GLT8D2: variants seen among roughly 807,000 people sequenced by gnomAD.
The protein encoded by GLT8D2 is glycosyltransferase 8 domain-containing protein 2.
Under a neutral mutation model 44.5 loss-of-function variants are expected in GLT8D2, and 45 were observed. That is an observed-to-expected ratio of 1.01 (90% CI 0.80 to 1.30). The LOEUF is 1.30. Among genes scored for constraint, GLT8D2 ranks in the 50% most tolerant of loss-of-function variants. The probability of loss-of-function intolerance (pLI) is 0.00; values close to 1 mark genes in which losing one functional copy is unlikely to be tolerated. For synonymous variants in GLT8D2, 156 were observed against 157.2 expected, an observed-to-expected ratio of 0.99 and a Z score of 0.06; for missense variants, 400 against 430.4, an observed-to-expected ratio of 0.93 and a Z score of 0.62.
chr12:104,028,499 C>CA (rs1316981776), intron 1 of GLT8D2, among the ~76,000 whole-genome samples: 6 of 152,116 alleles, frequency 3.9e-5, no homozygotes, highest in African/African-American at 1.4e-4. Context: ...TTTTCCAGTA[C>CA]AATTAGTGTA....
At chr12:104,013,780 C>T (rs964916667) in intron 4 of GLT8D2, among the ~76,000 whole-genome samples, 1 of 152,146 alleles carries the variant, frequency 6.6e-6, no homozygotes, top group African/African-American at 2.4e-5. Context: ...CTCACTCTGT[C>T]ATCCAAGCTG....
intron 3 of GLT8D2, among the ~76,000 whole-genome samples, chr12:104,015,436 A>ACACACACAC (rs1555278722): frequency 2.7e-4 from 40 of 148,292 alleles, no homozygotes; most frequent in South Asian, 8.6e-4. Context: ...ACACACACAC[A>ACACACACAC]AATTAGCTGG....
At chr12:104,064,328 G>A (rs1338998086), upstream of GLT8D2, 1 of 433,076 alleles carries the variant, frequency 2.3e-6, no homozygotes, top group East Asian at 3.6e-5. The surrounding 1 kb of genome is among the most constrained non-coding windows in gnomAD (Gnocchi z 7.3). Flanking sequence ...CCACCCTAAG[G>A]TGCGTTGCTC....
chr12:103,994,936 G>T (rs1873223608), intron 8 of GLT8D2, among the ~76,000 whole-genome samples: 1 of 152,118 alleles, frequency 6.6e-6, no homozygotes, highest in African/African-American at 2.4e-5. Flanking sequence ...CCCCACCTCA[G>T]TCAGTGGCAA....
intron 8 of GLT8D2, among the ~76,000 whole-genome samples, chr12:103,996,356 C>T (rs1873421925): frequency 6.6e-6 from 1 of 152,232 alleles, no homozygotes; most frequent in Non-Finnish European, 1.5e-5. Flanking sequence ...AACATCATCT[C>T]TGACAGAGAG....
chr12:104,003,469 G>C (rs1874527436), intron 4 of GLT8D2, among the ~76,000 whole-genome samples, 163 bp from the exon 5 acceptor site: 1 of 152,112 alleles, frequency 6.6e-6, no homozygotes, highest in Admixed American at 6.6e-5. Flanking sequence ...AAAGAACTTT[G>C]GAATTTTAGC....
intron 1 of GLT8D2, among the ~76,000 whole-genome samples, chr12:104,027,638 A>G (rs1314895401): frequency 4.6e-5 from 7 of 152,218 alleles, no homozygotes; most frequent in African/African-American, 1.7e-4. Flanking sequence ...TTTATTGCGA[A>G]TTTAATTTGC....
chr12:104,048,534 T>C (rs1881406326), intron 1 of GLT8D2, among the ~76,000 whole-genome samples: 1 of 152,162 alleles, frequency 6.6e-6, no homozygotes, highest in Non-Finnish European at 1.5e-5. Flanking sequence ...TGTGCCTTAA[T>C]GAACCTCACA....
intron 10 of GLT8D2, among the ~76,000 whole-genome samples, chr12:103,991,754 A>G (rs1034401423): frequency 3.3e-5 from 5 of 150,656 alleles, no homozygotes; most frequent in African/African-American, 9.8e-5. Context: ...GGATTCTGGG[A>G]ATGATGCAGA....
chr12:104,063,466 A>G (rs1882861683), intron 1 of GLT8D2, among the ~76,000 whole-genome samples: 2 of 152,172 alleles, frequency 1.3e-5, no homozygotes, highest in South Asian at 2.1e-4. Context: ...GGATCACTGG[A>G]GCCCAGGAGC....
rs763905813 is a variant in GLT8D2 at position 104,019,691 on chromosome 12, A to G, written c.-28-15T>C. On this transcript the variant is annotated splice_polypyrimidine_tract_variant and intron_variant, in intron 2 of 10. Coordinates refer to ENST00000360814, the MANE Select transcript of GLT8D2 (RefSeq NM_001384711.1). ...AGAACTGTAACCTGTGGATTAAAGG[A>G]AAAAAAATCTGTTTAAAGGAGAATC... The G allele has an allele frequency of 2.4e-5, 37 of 1,568,918 alleles. No homozygotes were observed. The highest frequency in any genetic ancestry group is 4.5e-5 in the East Asian group (2 of 44,424).
intron 7 of GLT8D2, 89 bp from the exon 8 acceptor site, chr12:103,996,936 G>A: frequency 3.8e-6 from 3 of 794,232 alleles, no homozygotes; most frequent in Non-Finnish European, 6.2e-6. Flanking sequence ...TCTTGATTTT[G>A]CTATGGGAGA....
intron 1 of GLT8D2, among the ~76,000 whole-genome samples, chr12:104,060,262 A>T (rs1270742822): frequency 6.6e-6 from 1 of 151,878 alleles, no homozygotes; most frequent in Non-Finnish European, 1.5e-5. Context: ...TACCCCATCA[A>T]TGCTGGCTTC....
Position 104,003,164 on chromosome 12 carries a change from C to A in GLT8D2, c.255G>T (p.Val85=). ...NTDANILFYV[V]GLRNTLTRIR... ...TTCGAGTCAGAGTATTCCGGAGTCC[C>A]ACTACATAGAACAAGATGTTGGCGT... The change falls in exon 5 of 11, where the codon GTG becomes GTT. Residue 85 remains valine, a synonymous_variant. Transcript: ENST00000360814. The A allele has an allele frequency of 1.2e-6, 2 of 1,614,076 alleles. No homozygotes were observed. The highest frequency in any genetic ancestry group is 1.7e-6 in the Non-Finnish European group (2 of 1,179,982).
intron 8 of GLT8D2, 42 bp from the exon 9 acceptor site, chr12:103,994,543 T>C (rs1290202223): frequency 2.2e-5 from 33 of 1,527,410 alleles, no homozygotes; most frequent in Non-Finnish European, 2.9e-5. Context: ...CCAGCGAATC[T>C]TTTGTTTCTG....
Position 103,996,860 on chromosome 12 carries a change from ACAC to A in GLT8D2, c.488-16_488-14del, listed in dbSNP as rs746760272. ...TCTTGGATATCACCTGAATTTAGAAACACCACCAAGTAAAACATTATAGCATTT... is the reference window on the plus strand; with the variant it reads ...TCTTGGATATCACCTGAATTTAGAAACACCAAGTAAAACATTATAGCATTT... On this transcript the variant is annotated splice_polypyrimidine_tract_variant and intron_variant, in intron 7 of 10. Coordinates refer to ENST00000360814, the MANE Select transcript of GLT8D2 (RefSeq NM_001384711.1). The A allele has an allele frequency of 6.3e-7, 1 of 1,576,318 alleles. No homozygotes were observed. The highest frequency in any genetic ancestry group is 1.1e-5 in the South Asian group (1 of 89,722).
chr12:104,031,503 C>G (rs1372427148), intron 1 of GLT8D2: 88 of 1,612,960 alleles, frequency 5.5e-5, no homozygotes, highest in Non-Finnish European at 6.9e-5. Flanking sequence ...GTGCGCAAAG[C>G]CATGGAAGCT....
At chr12:104,003,724 C>T (rs534888692) in intron 4 of GLT8D2, among the ~76,000 whole-genome samples, 1 of 152,184 alleles carries the variant, frequency 6.6e-6, no homozygotes, top group South Asian at 2.1e-4. Flanking sequence ...GTCACCAAAA[C>T]CATAATATAG....
At chr12:104,027,159 T>C (rs765114701) in intron 1 of GLT8D2, among the ~76,000 whole-genome samples, 4 of 152,226 alleles carry the variant, frequency 2.6e-5, no homozygotes, top group Non-Finnish European at 5.9e-5. Context: ...CCAAGAGCTT[T>C]GAGTGCATGG....
Sources: allele counts gnomAD v4.1 joint callset (sites outside exome capture counted in the v4.1 genomes callset), GRCh38; gene constraint gnomAD v4.1.1; non-coding constraint Gnocchi (gnomAD v3.1); transcripts MANE v1.5; gene names NCBI Gene and HGNC (gene_info 2026-07-23, HGNC 2026-07-21).